Variants in SEMA5B observed in about 807,000 individuals in gnomAD.
SEMA5B encodes semaphorin 5B.
SEMA5B carries 66 observed loss-of-function variants against 135.0 expected under a neutral mutation model. The observed-to-expected ratio is 0.49, with a 90% CI of 0.40 to 0.60. The LOEUF is 0.60. SEMA5B is among the 20% of genes least tolerant of loss of function. SEMA5B has a pLI of 0.00. For synonymous variants in SEMA5B, 690 were observed against 639.5 expected (o/e 1.08, Z -1.19); for missense variants, 1,501 against 1,566.3 (o/e 0.96, Z 0.70).
chr3:122,945,788 A>C (rs1269400105), intron 3 of SEMA5B, among the ~76,000 whole-genome samples: 1 of 150,786 alleles, frequency 6.6e-6, no homozygotes, highest in African/African-American at 2.4e-5. Flanking sequence ...GGAGGAGGGG[A>C]AAAGAAGAGG....
intron 10 of SEMA5B, 110 bp downstream of exon 10, chr3:122,923,507 G>C: frequency 8.1e-7 from 1 of 1,234,218 alleles, no homozygotes; most frequent in Non-Finnish European, 1.2e-6. Flanking sequence ...TGGACTGGCA[G>C]GGACGGGTCT....
chr3:122,938,281 T>C (rs140215571), intron 5 of SEMA5B, among the ~76,000 whole-genome samples: 1 of 152,122 alleles, frequency 6.6e-6, no homozygotes. Context: ...GATGGATGGA[T>C]GGGCAGGCTG....
rs749475610 is a variant in SEMA5B, at chr3:122,913,333, C to T, written c.2372G>A (p.Gly791Glu). ...GCGGAACCGCTGCTCCTGCCGTGCC[C>T]CGCCCTGCGTCACGTTCACGGGCAG... ...PWLPVNVTQG[G>E]ARQEQRFRFT... Residue 791 changes from glycine to glutamate, a missense_variant, in exon 17 of 23, where the codon GGG becomes GAG. Physicochemically the swap from Gly to Glu is moderately conservative, Grantham distance 98. Transcript: ENST00000357599. The T allele has an allele frequency of 1.3e-6, 2 of 1,578,120 alleles. No homozygotes were observed. The highest frequency in any genetic ancestry group is 1.7e-6 in the Non-Finnish European group (2 of 1,170,076).
At chr3:122,956,710 G>A (rs899186676) in intron 2 of SEMA5B, among the ~76,000 whole-genome samples, 1 of 152,116 alleles carries the variant, frequency 6.6e-6, no homozygotes, top group East Asian at 1.9e-4. Flanking sequence ...CCACCCCGGG[G>A]TGGGTAGCAG....
intron 9 of SEMA5B, among the ~76,000 whole-genome samples, chr3:122,924,327 C>A (rs1044826065): frequency 1.3e-5 from 2 of 152,162 alleles, no homozygotes; most frequent in Non-Finnish European, 2.9e-5. Flanking sequence ...AACCACCATA[C>A]CAAACGCCTC....
chr3:122,988,701 C>T (rs995237278), intron 1 of SEMA5B, among the ~76,000 whole-genome samples: 2 of 152,206 alleles, frequency 1.3e-5, no homozygotes, highest in African/African-American at 2.4e-5. Flanking sequence ...CTCCTAAGGC[C>T]TTGGGGTGGG....
At position 122,927,873 on chromosome 3, in the gene SEMA5B, G is replaced by A; in HGVS notation, c.767C>T (p.Ser256Leu). 1 of 1,595,462 alleles carries A rather than the reference G, an allele frequency of 6.3e-7. No homozygotes were observed. The highest frequency in any genetic ancestry group is 8.5e-7 in the Non-Finnish European group (1 of 1,170,292). The change falls in exon 8 of 23, where the codon TCA becomes TTA. Residue 256 changes from serine to leucine, a missense_variant. Ser to Leu is a moderately radical substitution (Grantham distance 145). Transcript: ENST00000357599. ...GCGGTAGATGGCAGGGTCCCGACCT[G>A]AGAAGTCGATGACCGTGGCTGCATA... Reference protein sequence around the residue: ...ELYAATVIDFSGRDPAIYRSL... With the variant: ...ELYAATVIDFLGRDPAIYRSL...
chr3:122,912,110 C>G, intron 19 of SEMA5B, 41 bp from the exon 20 acceptor site: 1 of 1,592,110 alleles, frequency 6.3e-7, no homozygotes, highest in Non-Finnish European at 8.6e-7. Flanking sequence ...GCCCAGGGAC[C>G]CCCTGGTGGG....
At chr3:123,004,946 G>A (rs73859410) in intron 1 of SEMA5B, among the ~76,000 whole-genome samples, 10,201 of 152,192 alleles carry the variant, frequency 0.067, 997 homozygotes, top group African/African-American at 0.22. Context: ...CTCCCTGAAA[G>A]TCCAGAATAC....
chr3:122,984,615 A>ATTGGGTACAATGTTTGCTAT (rs1262193113), intron 1 of SEMA5B, among the ~76,000 whole-genome samples: 1 of 152,216 alleles, frequency 6.6e-6, no homozygotes, highest in Non-Finnish European at 1.5e-5. Context: ...AAGGTTACCC[A>ATTGGGTACAATGTTTGCTAT]TTGGGTACAA....
chr3:122,972,623 G>A (rs1206196387), intron 1 of SEMA5B, among the ~76,000 whole-genome samples: 1 of 152,250 alleles, frequency 6.6e-6, no homozygotes, highest in East Asian at 1.9e-4. Flanking sequence ...GCACTGGGGA[G>A]AGAGACCCCC....
chr3:122,917,443 G>A (rs890862988), intron 12 of SEMA5B, among the ~76,000 whole-genome samples: 1 of 152,226 alleles, frequency 6.6e-6, no homozygotes. Flanking sequence ...AGAGCTAAGA[G>A]TTGCAGCTCT....
chr3:122,957,042 G>A (rs957425598), intron 2 of SEMA5B, among the ~76,000 whole-genome samples: 30 of 152,312 alleles, frequency 2.0e-4, no homozygotes, highest in African/African-American at 6.0e-4. Context: ...TGGAGAAGCT[G>A]GTGGAGAGAG....
intron 5 of SEMA5B, among the ~76,000 whole-genome samples, chr3:122,934,666 T>C (rs1939162112): frequency 1.3e-5 from 2 of 152,180 alleles, no homozygotes; most frequent in African/African-American, 4.8e-5. Flanking sequence ...TAGGGAAATG[T>C]AAACATTAAC....
chr3:122,955,252 C>T (rs914768180), intron 2 of SEMA5B, among the ~76,000 whole-genome samples: 2 of 152,154 alleles, frequency 1.3e-5, no homozygotes, highest in Non-Finnish European at 2.9e-5. Context: ...CCTATGCTTG[C>T]TGTGTCTCTC....
intron 2 of SEMA5B, among the ~76,000 whole-genome samples, chr3:122,949,535 G>A (rs1005910187): frequency 6.6e-6 from 1 of 152,226 alleles, no homozygotes; most frequent in African/African-American, 2.4e-5. Context: ...TTGAAGCAGA[G>A]AAGATTACAG....
intron 1 of SEMA5B, among the ~76,000 whole-genome samples, chr3:122,997,097 T>C (rs1339400152): frequency 2.6e-5 from 4 of 152,196 alleles, no homozygotes; most frequent in Admixed American, 2.6e-4. Flanking sequence ...GAATTCAACA[T>C]ATCATTTTGT....
At chr3:122,982,941 A>G (rs951745038) in intron 1 of SEMA5B, among the ~76,000 whole-genome samples, 61 of 152,122 alleles carry the variant, frequency 4.0e-4, no homozygotes, top group African/African-American at 1.4e-3. Context: ...CTCTTTCGAG[A>G]GTCACTCTCT....
At chr3:122,970,006 G>T (rs768907351) in intron 1 of SEMA5B, among the ~76,000 whole-genome samples, 8 of 152,150 alleles carry the variant, frequency 5.3e-5, no homozygotes, top group Non-Finnish European at 8.8e-5. Context: ...TGCAGAGTTG[G>T]GTGGCTCCGT....
Sources: allele counts gnomAD v4.1 joint callset (sites outside exome capture counted in the v4.1 genomes callset), GRCh38; gene constraint gnomAD v4.1.1; transcripts MANE v1.5; gene names NCBI Gene and HGNC (gene_info 2026-07-23, HGNC 2026-07-21).